The following PLEKHA1 variants were observed in gnomAD, a reference collection of about 807,000 sequenced individuals.
PLEKHA1 encodes pleckstrin homology domain containing A1, also known as pleckstrin homology domain-containing family A member 1.
A neutral mutation model predicts 52.0 loss-of-function variants in PLEKHA1; 34 were observed. The ratio of observed to expected loss-of-function variants is 0.65; its 90% CI spans 0.50 to 0.87. The LOEUF (loss-of-function observed/expected upper bound fraction) is 0.87, where lower values mean the gene tolerates loss of function less well. Ranked by LOEUF, PLEKHA1 falls within the 40% of genes least tolerant of loss-of-function variation. The pLI, the probability that PLEKHA1 is intolerant of heterozygous loss-of-function variation, is 0.00. For synonymous variants in PLEKHA1, 163 were observed against 170.7 expected (o/e 0.95, Z 0.35); for missense variants, 497 against 504.2 (o/e 0.99, Z 0.14).
At chr10:122,429,427 C>T (rs542769507) in intron 11 of PLEKHA1, among the ~76,000 whole-genome samples, 197 bp from the exon 12 acceptor site, 12 of 152,116 alleles carry the variant, frequency 7.9e-5, no homozygotes, top group Admixed American at 2.0e-4. Context: ...TTTAAACTCA[C>T]CTCTAAAAAC....
downstream of PLEKHA1, chr10:122,435,450 A>G (rs1243268982): frequency 6.6e-6 from 1 of 152,222 alleles, no homozygotes; most frequent in East Asian, 1.9e-4. Flanking sequence ...TCATTGCTAA[A>G]TTTAAAATTT....
intron 1 of PLEKHA1, chr10:122,387,415 T>G (rs2096715473): frequency 1.3e-5 from 2 of 152,238 alleles, no homozygotes; most frequent in African/African-American, 4.8e-5. Context: ...TATTTAAAAG[T>G]GTATTTTAAT....
chr10:122,423,425 C>CAAAAAAAAAA (rs201686891), intron 8 of PLEKHA1: 2 of 127,878 alleles, frequency 1.6e-5, no homozygotes, highest in Non-Finnish European at 1.7e-5. Flanking sequence ...AACTCCATCT[C>CAAAAAAAAAA]AAAAAAAAAA....
chr10:122,418,098 T>C (rs1459174268), intron 8 of PLEKHA1, 130 bp downstream of exon 8: 4 of 593,368 alleles, frequency 6.7e-6, no homozygotes, highest in Non-Finnish European at 1.1e-5. Flanking sequence ...AAATATAGTT[T>C]ATTTGGTTGT....
chr10:122,385,145 C>T (rs2096671040), intron 1 of PLEKHA1, among the ~76,000 whole-genome samples: 1 of 152,008 alleles, frequency 6.6e-6, no homozygotes, highest in African/African-American at 2.4e-5. Context: ...CCTTCACCCT[C>T]AGCTCCAAGC....
chr10:122,427,793 A>G (rs1244740491), intron 11 of PLEKHA1, among the ~76,000 whole-genome samples: 1 of 152,210 alleles, frequency 6.6e-6, no homozygotes, highest in Non-Finnish European at 1.5e-5. Context: ...TAACACTGCC[A>G]TCTGCGGAAA....
At chr10:122,422,222 T>C (rs965096171) in intron 8 of PLEKHA1, 1 of 152,088 alleles carries the variant, frequency 6.6e-6, no homozygotes, top group African/African-American at 2.4e-5. Flanking sequence ...GTTAGAAAAA[T>C]CACCATTTGG....
chr10:122,401,310 G>GA (rs1044004279), intron 4 of PLEKHA1, among the ~76,000 whole-genome samples: 1 of 152,196 alleles, frequency 6.6e-6, no homozygotes, highest in African/African-American at 2.4e-5. Context: ...GACATAAGGT[G>GA]AAGGAGGGTT....
intron 10 of PLEKHA1, among the ~76,000 whole-genome samples, chr10:122,426,410 C>T (rs751434307): frequency 5.9e-5 from 9 of 151,724 alleles, no homozygotes; most frequent in Non-Finnish European, 1.2e-4. Context: ...AAACAAGAGG[C>T]AGTATCTCTG....
intron 6 of PLEKHA1, among the ~76,000 whole-genome samples, chr10:122,414,708 T>A (rs1316003200): frequency 2.6e-5 from 4 of 152,048 alleles, no homozygotes; most frequent in Non-Finnish European, 5.9e-5. Flanking sequence ...TCACCATCAT[T>A]AGCTAGCAGG....
At chr10:122,403,595 G>A (rs1453070810) in intron 4 of PLEKHA1, among the ~76,000 whole-genome samples, 2 of 57,156 alleles carry the variant, frequency 3.5e-5, no homozygotes, top group Non-Finnish European at 6.7e-5. Context: ...ACTTAGCAGT[G>A]TCAGAGTTTT....
chr10:122,387,155 T>C (rs2096711109), intron 1 of PLEKHA1: 1 of 152,162 alleles, frequency 6.6e-6, no homozygotes, highest in South Asian at 2.1e-4. Flanking sequence ...TTGTTTTCAA[T>C]TTTATTAGTT....
At chr10:122,396,431 A>G (rs1370757458) in intron 2 of PLEKHA1, among the ~76,000 whole-genome samples, 1 of 152,120 alleles carries the variant, frequency 6.6e-6, no homozygotes, top group African/African-American at 2.4e-5. Context: ...TTATAATTTT[A>G]TTTTATATGC....
chr10:122,420,560 G>T (rs2097245551), intron 8 of PLEKHA1: 1 of 152,084 alleles, frequency 6.6e-6, no homozygotes, highest in Admixed American at 6.5e-5. Flanking sequence ...ATCTCTAAAA[G>T]ATCATTTAAA....
chr10:122,384,544 G>A (rs2096660905), intron 1 of PLEKHA1, among the ~76,000 whole-genome samples: 1 of 149,380 alleles, frequency 6.7e-6, no homozygotes, highest in African/African-American at 2.5e-5. Context: ...AGGGGGCAGA[G>A]CCTGCAGTGC....
intron 2 of PLEKHA1, among the ~76,000 whole-genome samples, chr10:122,395,302 T>C (rs981779728): frequency 6.6e-6 from 1 of 152,164 alleles, no homozygotes; most frequent in Admixed American, 6.5e-5. Context: ...AATTTAAATA[T>C]TTTTTAGTTT....
chr10:122,386,948 T>G (rs2096708057), intron 1 of PLEKHA1: 1 of 152,196 alleles, frequency 6.6e-6, no homozygotes, highest in Admixed American at 6.5e-5. Flanking sequence ...GTTGTGTTTT[T>G]TCAAAGAATT....
At chr10:122,394,241 A>AT (rs1367870241) in intron 2 of PLEKHA1, among the ~76,000 whole-genome samples, 1 of 151,222 alleles carries the variant, frequency 6.6e-6, no homozygotes, top group African/African-American at 2.4e-5. Context: ...CACCTGGCTA[A>AT]TTTTTTGTAT....
At chr10:122,377,149 T>G (rs2096549909) in intron 1 of PLEKHA1, among the ~76,000 whole-genome samples, 1 of 152,202 alleles carries the variant, frequency 6.6e-6, no homozygotes, top group African/African-American at 2.4e-5. Flanking sequence ...GACATATTGC[T>G]TGATGTCAAG....
Sources: allele counts gnomAD v4.1 joint callset (sites outside exome capture counted in the v4.1 genomes callset), GRCh38; gene constraint gnomAD v4.1.1; transcripts MANE v1.5; gene names NCBI Gene and HGNC (gene_info 2026-07-23, HGNC 2026-07-21).